Variants in DPP10 observed in about 807,000 individuals in gnomAD.
The protein encoded by DPP10 is dipeptidyl peptidase like 10.
Under a neutral mutation model 120.9 loss-of-function variants are expected in DPP10, and 33 were observed. That is an observed-to-expected ratio of 0.27 (90% CI 0.21 to 0.37). DPP10 has a LOEUF of 0.37. Among genes scored for constraint, DPP10 ranks in the 10% least tolerant of loss-of-function variants. The probability of loss-of-function intolerance (pLI) is 1.00; values close to 1 mark genes in which losing one functional copy is unlikely to be tolerated. For synonymous variants in DPP10, 337 were observed against 326.1 expected, an observed-to-expected ratio of 1.03 and a Z score of -0.36; for missense variants, 816 against 942.8, an observed-to-expected ratio of 0.87 and a Z score of 1.76.
Position 115,148,621 on chromosome 2 carries a change from T to G in DPP10, c.61-160618T>G, listed in dbSNP as rs527846332. 8.5e-4 allele frequency among the ~76,000 whole-genome samples: 130 copies of G among 152,288 alleles called. 1 individual carries two copies. Among genetic ancestry groups the G allele is most frequent in the Middle Eastern group, 6.8e-3 (2 of 294 alleles). ...TTGCTCTAAGTGTAGTCTCTGTCTT[T>G]TATTTTATATTTTTTAATAGCTACC... is the stretch of plus-strand genomic sequence containing the variant. On this transcript the variant is annotated intron_variant, in intron 1 of 25. Coordinates refer to ENST00000410059, the MANE Select transcript of DPP10 (RefSeq NM_020868.6).
chr2:115,728,847 G>A (rs13431629), intron 8 of DPP10, among the ~76,000 whole-genome samples: 263 of 152,060 alleles, frequency 1.7e-3, no homozygotes, highest in African/African-American at 6.1e-3. Flanking sequence ...GATAAAAGAC[G>A]GAGCAAAAAG....
At chr2:115,612,375 AC>A (rs1342912451) in intron 5 of DPP10, among the ~76,000 whole-genome samples, 1 of 152,174 alleles carries the variant, frequency 6.6e-6, no homozygotes, top group Non-Finnish European at 1.5e-5. Flanking sequence ...TGTGATCATT[AC>A]CCTTGTAAGT....
At chr2:114,680,277 T>A (rs968830930) in intron 1 of DPP10, among the ~76,000 whole-genome samples, 2 of 152,060 alleles carry the variant, frequency 1.3e-5, no homozygotes, top group Non-Finnish European at 2.9e-5. Context: ...TATTTCATGA[T>A]GTTTATGATT....
intron 21 of DPP10, among the ~76,000 whole-genome samples, chr2:115,829,418 T>C (rs1308747917): frequency 1.3e-5 from 2 of 152,170 alleles, no homozygotes; most frequent in African/African-American, 4.8e-5. Context: ...TATAACATGC[T>C]TCATTATAAC....
At chr2:115,491,016 G>A (rs938993832) in intron 3 of DPP10, among the ~76,000 whole-genome samples, 3 of 152,114 alleles carry the variant, frequency 2.0e-5, no homozygotes, top group African/African-American at 7.2e-5. Flanking sequence ...TATTCCAGAG[G>A]CTGAGGCAGC....
chr2:114,656,470 A>G (rs1573899480), intron 1 of DPP10, among the ~76,000 whole-genome samples: 1 of 152,154 alleles, frequency 6.6e-6, no homozygotes, highest in East Asian at 1.9e-4. Flanking sequence ...TATCACTGAT[A>G]TTATAGAAGT....
chr2:115,263,005 T>C, intron 1 of DPP10, among the ~76,000 whole-genome samples: 1 of 152,192 alleles, frequency 6.6e-6, no homozygotes, highest in East Asian at 1.9e-4. Flanking sequence ...GCCTGCACAG[T>C]AATGATTAAA....
intron 1 of DPP10, among the ~76,000 whole-genome samples, chr2:114,691,153 G>A (rs1324122138): frequency 1.3e-5 from 2 of 152,076 alleles, no homozygotes; most frequent in African/African-American, 4.8e-5. Context: ...GGTTTTTCAG[G>A]AGAATGCTTT....
intron 19 of DPP10, among the ~76,000 whole-genome samples, chr2:115,809,987 C>T (rs916853788): frequency 5.9e-5 from 9 of 151,924 alleles, no homozygotes; most frequent in African/African-American, 9.7e-5. Context: ...CATGGTGAAA[C>T]CTCATCTCTA....
chr2:114,566,636 A>G (rs1558887471), intron 1 of DPP10, among the ~76,000 whole-genome samples: 2 of 152,156 alleles, frequency 1.3e-5, no homozygotes, highest in South Asian at 2.1e-4. Context: ...ATTCTGATTG[A>G]ATGCTATTTC....
intron 3 of DPP10, among the ~76,000 whole-genome samples, chr2:115,469,197 G>A (rs562264487): frequency 5.7e-4 from 86 of 152,210 alleles, no homozygotes; most frequent in Non-Finnish European, 1.1e-3. Context: ...AAACATTATT[G>A]TCTAAAGAAA....
chr2:115,749,370 C>G (rs769579430), intron 10 of DPP10, among the ~76,000 whole-genome samples: 38 of 152,112 alleles, frequency 2.5e-4, no homozygotes, highest in Non-Finnish European at 3.1e-4. Flanking sequence ...TCTTCTTACT[C>G]TATGTCCTTA....
At chr2:115,762,468 G>A in intron 11 of DPP10, 104 bp from the exon 12 acceptor site, 2 of 1,134,196 alleles carry the variant, frequency 1.8e-6, no homozygotes, top group South Asian at 1.2e-5. Context: ...TTCACCAGTT[G>A]AAGAGAGGGA....
chr2:115,462,871 A>C (rs2074077581), intron 3 of DPP10, among the ~76,000 whole-genome samples: 1 of 152,000 alleles, frequency 6.6e-6, no homozygotes, highest in Non-Finnish European at 1.5e-5. Context: ...CTGTGACTAG[A>C]AGCACATGCC....
chr2:114,450,125 A>G (rs1678176353), intron 1 of DPP10, among the ~76,000 whole-genome samples: 1 of 152,222 alleles, frequency 6.6e-6, no homozygotes, highest in East Asian at 1.9e-4. Flanking sequence ...CATGGAATAA[A>G]TATAGGCTTC....
rs911842783 is a variant in DPP10 at position 114,488,804 on chromosome 2, C to T, written c.60+45966C>T. On this transcript the variant is annotated intron_variant, in intron 1 of 25. Transcript: ENST00000410059. The stretch of plus-strand genomic sequence containing the variant: ...GGTCCTTTCCAAAGTCCAGTCCCAG[C>T]CCTGGCCCAGATCCTCCTATTTGGA... Among the ~76,000 whole-genome samples the T allele has an allele frequency of 2.0e-5, 3 of 152,184 alleles. No homozygotes were observed. The East Asian group carries it at 5.8e-4, about 29-fold the overall frequency.
At chr2:115,071,482 G>T (rs537678771) in intron 1 of DPP10, among the ~76,000 whole-genome samples, 1 of 152,240 alleles carries the variant, frequency 6.6e-6, no homozygotes, top group Non-Finnish European at 1.5e-5. Flanking sequence ...AAGCAACATT[G>T]GGGGTTTATA....
intron 5 of DPP10, among the ~76,000 whole-genome samples, chr2:115,538,138 T>A (rs916938032): frequency 6.6e-6 from 1 of 151,998 alleles, no homozygotes; most frequent in East Asian, 1.9e-4. Flanking sequence ...GCCATGAAAT[T>A]CAAGAGATGA....
chr2:114,461,502 A>G (rs1260400990), intron 1 of DPP10: 2 of 864,854 alleles, frequency 2.3e-6, no homozygotes, highest in Middle Eastern at 5.8e-4. Context: ...CCCTCAACCA[A>G]TTAGCCTCTC....
Sources: allele counts gnomAD v4.1 joint callset (sites outside exome capture counted in the v4.1 genomes callset), GRCh38; gene constraint gnomAD v4.1.1; transcripts MANE v1.5; gene names NCBI Gene and HGNC (gene_info 2026-07-23, HGNC 2026-07-21).